Variants in GOLIM4 observed in about 807,000 individuals in gnomAD.
GOLIM4 encodes the protein 130 kDa golgi-localized phosphoprotein.
In GOLIM4, 71 loss-of-function variants were observed where a neutral mutation model predicts 107.4. That is an observed-to-expected ratio of 0.66 (90% CI 0.55 to 0.81). The LOEUF (loss-of-function observed/expected upper bound fraction) is 0.81, where lower values mean the gene tolerates loss of function less well. Ranked by LOEUF, GOLIM4 falls within the 30% of genes least tolerant of loss-of-function variation. The pLI is 0.00. For synonymous variants in GOLIM4, 327 were observed against 294.8 expected (o/e 1.11, Z -1.12); for missense variants, 830 against 826.1 (o/e 1.00, Z -0.06).
rs1221364319 is a variant in GOLIM4 at position 168,025,056 on chromosome 3, T to C, written c.1663A>G (p.Asn555Asp). ...VEDINPADDP[N>D]NQGEDEFEEA... ...TCAAATTCATCCTCACCTTGATTAT[T>C]AGGGTCATCTGCTGGGTTTATATCT... The change falls in exon 13 of 16, where the codon AAT becomes GAT. Residue 555 changes from asparagine (N) to aspartate (D), a missense_variant. Asn to Asp is a conservative substitution (Grantham distance 23). Coordinates refer to ENST00000470487, the MANE Select transcript of GOLIM4 (RefSeq NM_014498.5). The C allele has an allele frequency of 6.2e-7, 1 of 1,613,858 alleles. No individual in the cohort carries two copies. The highest frequency in any genetic ancestry group is 2.2e-5 in the East Asian group (1 of 44,880).
intron 1 of GOLIM4, among the ~76,000 whole-genome samples, chr3:168,050,133 G>A (rs1322719109): frequency 6.6e-6 from 1 of 151,948 alleles, no homozygotes; most frequent in Non-Finnish European, 1.5e-5. Context: ...CTTTCCCCCT[G>A]CATTATTATT....
At chr3:168,025,894 C>T (rs913538565) in intron 12 of GOLIM4, among the ~76,000 whole-genome samples, 3 of 152,208 alleles carry the variant, frequency 2.0e-5, no homozygotes, top group Admixed American at 6.5e-5. Context: ...AAATAATACA[C>T]ATCCTAATAA....
At chr3:168,035,963 G>C (rs1397541572) in intron 8 of GOLIM4, among the ~76,000 whole-genome samples, 1 of 152,006 alleles carries the variant, frequency 6.6e-6, no homozygotes, top group African/African-American at 2.4e-5. Context: ...AATATAAAAA[G>C]GTGTATTATT....
intron 1 of GOLIM4, among the ~76,000 whole-genome samples, chr3:168,089,177 TAA>T (rs1245314523): frequency 6.6e-6 from 1 of 152,238 alleles, no homozygotes; most frequent in Non-Finnish European, 1.5e-5. Context: ...TTACTGAACT[TAA>T]GAGTATTTTT....
chr3:168,031,604 G>T (rs116520602), intron 9 of GOLIM4, among the ~76,000 whole-genome samples: 3 of 152,140 alleles, frequency 2.0e-5, no homozygotes, highest in Non-Finnish European at 2.9e-5. Flanking sequence ...AAGCTGGTGG[G>T]GAATTACTTC....
intron 14 of GOLIM4, among the ~76,000 whole-genome samples, chr3:168,014,630 A>G (rs374114490): frequency 7.2e-6 from 1 of 138,744 alleles, no homozygotes; most frequent in Admixed American, 6.8e-5. Context: ...CATTGATGCA[A>G]AAATCCTCAA....
intron 1 of GOLIM4, among the ~76,000 whole-genome samples, chr3:168,064,571 A>G (rs1449947125): frequency 6.6e-6 from 1 of 151,602 alleles, no homozygotes. Flanking sequence ...ATCAGAGAAT[A>G]CATCTGTACT....
chr3:168,029,432 T>G, intron 10 of GOLIM4, 130 bp from the exon 11 acceptor site: 1 of 592,884 alleles, frequency 1.7e-6, no homozygotes. Flanking sequence ...ATGAAAAATT[T>G]TTAAAAACCT....
intron 1 of GOLIM4, among the ~76,000 whole-genome samples, chr3:168,083,684 C>T (rs1372284694): frequency 1.3e-5 from 2 of 152,116 alleles, no homozygotes; most frequent in Admixed American, 6.6e-5. Flanking sequence ...GGTTGGTACC[C>T]AGCAAGTGCT....
At position 168,027,478 on chromosome 3, in the gene GOLIM4, GA is replaced by G. The variant is rs36093119; in HGVS notation, c.1623+249del. On this transcript the variant is annotated intron_variant, in intron 12 of 15. Transcript: ENST00000470487. The stretch of plus-strand genomic sequence containing the variant: ...AGTTTTATTAATCTAAAAGTCATCA[GA>G]AAAAAAAAATCCTGGTTTTGTTTTT... Among the ~76,000 whole-genome samples the G allele has an allele frequency of 7.6e-4, 110 of 144,564 alleles. No homozygotes were observed. In the South Asian group the frequency reaches 0.019, roughly 25 times the overall value. 94.8% of individuals were successfully genotyped at this position (144,564 alleles called of 152,430 possible).
intron 1 of GOLIM4, among the ~76,000 whole-genome samples, chr3:168,054,667 AAAT>A (rs1475918930): frequency 6.6e-6 from 1 of 152,044 alleles, no homozygotes; most frequent in African/African-American, 2.4e-5. Context: ...TAAATAAGTA[AAAT>A]AATAATTTTT....
chr3:168,010,530 A>G, intron 15 of GOLIM4, 112 bp from the exon 16 acceptor site: 1 of 836,980 alleles, frequency 1.2e-6, no homozygotes, highest in South Asian at 1.8e-5. Flanking sequence ...AAAAAAAGGA[A>G]GAAAAATGAT....
intron 1 of GOLIM4, among the ~76,000 whole-genome samples, chr3:168,081,097 G>A (rs1406990060): frequency 6.6e-6 from 1 of 152,180 alleles, no homozygotes; most frequent in Non-Finnish European, 1.5e-5. Context: ...TCCAGCATGA[G>A]ATGAAGTCCT....
At chr3:168,053,437 A>G (rs1719765912) in intron 1 of GOLIM4, among the ~76,000 whole-genome samples, 1 of 152,256 alleles carries the variant, frequency 6.6e-6, no homozygotes, top group South Asian at 2.1e-4. Flanking sequence ...TTGGTATGAA[A>G]GTCACACAAT....
At chr3:168,070,959 T>A (rs891661729) in intron 1 of GOLIM4, among the ~76,000 whole-genome samples, 1 of 152,210 alleles carries the variant, frequency 6.6e-6, no homozygotes, top group African/African-American at 2.4e-5. Flanking sequence ...TAGTCCTTTT[T>A]AATTCAAAGG....
At position 168,025,139 on chromosome 3, in the gene GOLIM4, G is replaced by A. The variant is rs202046048; in HGVS notation, c.1624-44C>T. On this transcript the variant is annotated intron_variant, in intron 12 of 15. Coordinates refer to ENST00000470487, the MANE Select transcript of GOLIM4 (RefSeq NM_014498.5). Reference sequence around the variant, plus strand: ...AAGCAACTATCACTTCAAAACTGAGGATCAAGTTTAATTTCATTTGAAAAG... The same window carrying A: ...AAGCAACTATCACTTCAAAACTGAGAATCAAGTTTAATTTCATTTGAAAAG... The A allele has an allele frequency of 2.2e-3, 3,217 of 1,494,302 alleles. 6 individuals carry two copies. The highest frequency in any genetic ancestry group is 3.6e-3 in the South Asian group (298 of 83,550). The allele number at this position is 1,494,302 out of a possible 1,614,324, so 92.6% of individuals were successfully genotyped here.
rs575011212 is a variant in GOLIM4 at position 168,056,986 on chromosome 3, G to T, written c.188-8621C>A. On this transcript the variant is annotated intron_variant, in intron 1 of 15. Transcript: ENST00000470487. ...ATGTGGGAGGGGTCAGGGGTGGAAT[G>T]ATATGGTTTGGCTGTGTCCCCCACC... Among the ~76,000 whole-genome samples, 5 of 152,272 alleles carry T rather than the reference G, an allele frequency of 3.3e-5. No homozygotes were observed. In the South Asian group the frequency reaches 6.2e-4, roughly 19 times the overall value.
chr3:168,088,199 G>A (rs1161251698), intron 1 of GOLIM4, among the ~76,000 whole-genome samples: 1 of 152,010 alleles, frequency 6.6e-6, no homozygotes, highest in Non-Finnish European at 1.5e-5. Flanking sequence ...CCCAAGAACG[G>A]CTCAAAAGGG....
chr3:168,090,535 A>G (rs530412568), intron 1 of GOLIM4, among the ~76,000 whole-genome samples: 11 of 152,328 alleles, frequency 7.2e-5, no homozygotes, highest in Non-Finnish European at 1.2e-4. Flanking sequence ...GTTGGCAAAC[A>G]TGCAAAGAAA....
Sources: gnomAD v4.1 joint callset for allele counts (sites outside exome capture counted in the v4.1 genomes callset) on GRCh38, gnomAD v4.1.1 for gene constraint, MANE v1.5 for transcripts, NCBI Gene and HGNC (gene_info 2026-07-23, HGNC 2026-07-21) for gene names.